The following SNX29 variants were observed in gnomAD, a reference collection of about 807,000 sequenced individuals.
The protein encoded by SNX29 is sorting nexin-29.
SNX29 carries 78 observed loss-of-function variants against 102.1 expected under a neutral mutation model. The ratio of observed to expected loss-of-function variants is 0.76; its 90% CI spans 0.64 to 0.92. SNX29 has a LOEUF of 0.92. Ranked by LOEUF, SNX29 falls within the 40% of genes least tolerant of loss-of-function variation. The probability of loss-of-function intolerance (pLI) is 0.00; values close to 1 mark genes in which losing one functional copy is unlikely to be tolerated. For missense variants in SNX29, 1,280 were observed against 1,061.7 expected, an observed-to-expected ratio of 1.21 and a Z score of -2.86; for synonymous variants, 580 against 414.5, an observed-to-expected ratio of 1.40 and a Z score of -4.85.
intron 19 of SNX29, among the ~76,000 whole-genome samples, chr16:12,500,536 T>C (rs1051155405): frequency 4.6e-5 from 7 of 152,232 alleles, no homozygotes; most frequent in African/African-American, 1.7e-4. Flanking sequence ...TGGTGAATAT[T>C]TTCATGCATT....
In SNX29 at chr16:12,060,567, T is replaced by C. The variant is rs958406318; in HGVS notation, c.1125-961T>C. 2.0e-5 allele frequency among the ~76,000 whole-genome samples: 3 copies of C among 152,240 alleles called. No individual in the cohort carries two copies. In the East Asian group the frequency reaches 5.8e-4, roughly 29 times the overall value. ...GCAGTGAACTATGATTGTGCCACTG[T>C]ACTCCAGTGTGGACAACAGAGCAAG... is the stretch of plus-strand genomic sequence containing the variant. On this transcript the variant is annotated intron_variant, in intron 8 of 20. Coordinates refer to ENST00000566228, the MANE Select transcript of SNX29 (RefSeq NM_032167.5).
chr16:12,369,954 T>C (rs2082622847), intron 16 of SNX29, among the ~76,000 whole-genome samples: 1 of 152,186 alleles, frequency 6.6e-6, no homozygotes, highest in Non-Finnish European at 1.5e-5. Context: ...CAGTGGCTGA[T>C]GCCTGTAATC....
chr16:12,560,724 A>G (rs183373102), intron 20 of SNX29: 122 of 166,850 alleles, frequency 7.3e-4, no homozygotes, highest in African/African-American at 2.8e-3. Context: ...GCACACATTC[A>G]ACATCAAAAC....
At chr16:12,479,346 T>G (rs1047266485) in intron 19 of SNX29, among the ~76,000 whole-genome samples, 1 of 152,212 alleles carries the variant, frequency 6.6e-6, no homozygotes, top group Admixed American at 6.5e-5. Context: ...AGCAAGAGTT[T>G]CCATAACCCA....
chr16:12,122,095 C>A (rs938733967), intron 11 of SNX29, among the ~76,000 whole-genome samples: 2 of 152,190 alleles, frequency 1.3e-5, no homozygotes, highest in South Asian at 4.1e-4. Context: ...GCATCACAGG[C>A]GTGAGCCACT....
intron 15 of SNX29, among the ~76,000 whole-genome samples, chr16:12,350,324 A>G (rs1053766967): frequency 1.3e-5 from 2 of 152,218 alleles, no homozygotes; most frequent in Admixed American, 6.5e-5. Flanking sequence ...TGGTAGAACA[A>G]TTATTTACAT....
intron 16 of SNX29, among the ~76,000 whole-genome samples, chr16:12,358,436 G>T (rs1453251759): frequency 6.6e-6 from 1 of 152,182 alleles, no homozygotes; most frequent in African/African-American, 2.4e-5. Context: ...CAGGCATGTG[G>T]TGGGCGCCTG....
chr16:12,426,482 A>G (rs2085085333), intron 18 of SNX29, among the ~76,000 whole-genome samples: 1 of 152,202 alleles, frequency 6.6e-6, no homozygotes, highest in Non-Finnish European at 1.5e-5. Context: ...GCCCTGCAGG[A>G]GGGTAATGGG....
rs62028447 is a variant in SNX29 at position 12,476,100 on chromosome 16, C to A, written c.2038-1619C>A. ...CTTTGTGAGGCCAAGGCAGGCAGAT[C>A]ATCTGAGGCCAGGAGTTCAAGACCA... On this transcript the variant is annotated intron_variant, in intron 18 of 20. Transcript: ENST00000566228. Among the ~76,000 whole-genome samples the A allele has an allele frequency of 9.2e-5, 14 of 151,854 alleles. 1 individual carries two copies. In the South Asian group the frequency reaches 2.9e-3, roughly 32 times the overall value.
chr16:12,204,494 G>C (rs979207931), intron 14 of SNX29, among the ~76,000 whole-genome samples: 13 of 152,148 alleles, frequency 8.5e-5, no homozygotes, highest in African/African-American at 2.9e-4. Flanking sequence ...GGCCACCATA[G>C]CGTAGTCCTG....
chr16:12,542,975 A>G (rs1471991370), intron 20 of SNX29, among the ~76,000 whole-genome samples: 1 of 151,966 alleles, frequency 6.6e-6, no homozygotes, highest in African/African-American at 2.4e-5. Flanking sequence ...AGTACTTACT[A>G]CTCCTGTAAC....
intron 19 of SNX29, among the ~76,000 whole-genome samples, chr16:12,496,792 C>A (rs901139931): frequency 2.0e-5 from 3 of 152,054 alleles, no homozygotes; most frequent in African/African-American, 7.2e-5. Context: ...AATTTGGTTC[C>A]CTGCAGGGTT....
intron 4 of SNX29, among the ~76,000 whole-genome samples, chr16:12,034,646 C>T (rs2057425608): frequency 6.6e-6 from 1 of 152,118 alleles, no homozygotes; most frequent in African/African-American, 2.4e-5. Context: ...TGTGTCTCAG[C>T]ATGTTAAGAT....
chr16:12,358,896 T>C (rs2082222215), intron 16 of SNX29, among the ~76,000 whole-genome samples: 1 of 152,234 alleles, frequency 6.6e-6, no homozygotes, highest in Non-Finnish European at 1.5e-5. Context: ...GCATGGAAGC[T>C]CCGCACCGCT....
At chr16:12,095,979 T>A (rs1267714334) in intron 11 of SNX29, among the ~76,000 whole-genome samples, 1 of 152,148 alleles carries the variant, frequency 6.6e-6, no homozygotes, top group Non-Finnish European at 1.5e-5. Context: ...GCTCCAGAAA[T>A]GAAGTTGAGG....
At chr16:12,100,856 A>T (rs908000780) in intron 11 of SNX29, among the ~76,000 whole-genome samples, 1 of 151,226 alleles carries the variant, frequency 6.6e-6, no homozygotes, top group African/African-American at 2.4e-5. Flanking sequence ...GACAGCAGGG[A>T]GGGCAGCTGG....
chr16:12,567,074 C>G (rs370250859), intron 20 of SNX29, among the ~76,000 whole-genome samples: 1 of 152,226 alleles, frequency 6.6e-6, no homozygotes, highest in Non-Finnish European at 1.5e-5. Context: ...GGGAACCCTG[C>G]AGGGATCCTC....
rs370004640 is a variant in SNX29, at chr16:12,027,419, G to A, written c.222G>A (p.Ala74=). Residue 74 remains alanine, a synonymous_variant, in exon 4 of 21, where the codon GCG becomes GCA. Coordinates refer to ENST00000566228, the MANE Select transcript of SNX29 (RefSeq NM_032167.5). ...CAGCGGCAGCGATCAAGCAGGCAGCGGGCTTTGCCAGCAAAACCGAAACAG... is the reference window on the plus strand; with the variant it reads ...CAGCGGCAGCGATCAAGCAGGCAGCAGGCTTTGCCAGCAAAACCGAAACAG... The part of the protein sequence containing the change: ...ALTAAAIKQA[A]GFASKTETEP... The A allele has an allele frequency of 1.5e-4, 235 of 1,614,008 alleles. 3 individuals are homozygous for A. The South Asian group carries it at 2.0e-3, about 14-fold the overall frequency.
At position 12,488,046 on chromosome 16, in the gene SNX29, T is replaced by A. The variant is rs190158518; in HGVS notation, c.2178+10187T>A. ...CTTGGTGAGCTTCAGACTCAGAATA[T>A]GTATGTGGAGGCCTATGCATAGGTA... On this transcript the variant is annotated intron_variant, in intron 19 of 20. Transcript: ENST00000566228. Among the ~76,000 whole-genome samples the A allele has an allele frequency of 2.0e-5, 3 of 152,292 alleles. No homozygotes were observed. The East Asian group carries it at 5.8e-4, about 29-fold the overall frequency.
Sources: gnomAD v4.1 joint callset for allele counts (sites outside exome capture counted in the v4.1 genomes callset) on GRCh38, gnomAD v4.1.1 for gene constraint, MANE v1.5 for transcripts, NCBI Gene and HGNC (gene_info 2026-07-23, HGNC 2026-07-21) for gene names.